ACSBG2: variants seen among roughly 807,000 people sequenced by gnomAD.
ACSBG2 encodes acyl-CoA synthetase bubblegum family member 2.
Under a neutral mutation model 74.7 loss-of-function variants are expected in ACSBG2, and 62 were observed. That is an observed-to-expected ratio of 0.83 (90% CI 0.68 to 1.03). ACSBG2 has a LOEUF of 1.03. Among genes scored for constraint, ACSBG2 ranks in the 50% least tolerant of loss-of-function variants. The probability of loss-of-function intolerance (pLI) is 0.00; values close to 1 mark genes in which losing one functional copy is unlikely to be tolerated. For synonymous variants in ACSBG2, 309 were observed against 294.1 expected (o/e 1.05, Z -0.52); for missense variants, 730 against 817.6 (o/e 0.89, Z 1.31).
chr19:6,151,129 A>AG (rs2089226743), intron 3 of ACSBG2, among the ~76,000 whole-genome samples: 1 of 151,504 alleles, frequency 6.6e-6, no homozygotes, highest in African/African-American at 2.4e-5. Flanking sequence ...AAAAAAAAAA[A>AG]GAAAATGGTA....
At chr19:6,163,792 A>AC (rs1462806788) in intron 6 of ACSBG2, among the ~76,000 whole-genome samples, 6 of 148,706 alleles carry the variant, frequency 4.0e-5, no homozygotes, top group Non-Finnish European at 9.0e-5. Context: ...ACAAAAAAAA[A>AC]AAAAAAAAAC....
chr19:6,186,897 G>T (rs1049510423), intron 11 of ACSBG2, among the ~76,000 whole-genome samples: 5 of 151,668 alleles, frequency 3.3e-5, no homozygotes, highest in Non-Finnish European at 7.4e-5. Context: ...CAATTTCACT[G>T]TGTTGCCCAG....
At chr19:6,148,661 A>G (rs1265694430) in intron 3 of ACSBG2, among the ~76,000 whole-genome samples, 2 of 137,278 alleles carry the variant, frequency 1.5e-5, no homozygotes, top group African/African-American at 5.2e-5. Flanking sequence ...AAAAAAAAAA[A>G]AGAGAACCAT....
chr19:6,144,744 G>A (rs11085159), intron 2 of ACSBG2, among the ~76,000 whole-genome samples: 93,657 of 150,996 alleles, frequency 0.62, 29,588 homozygotes, highest in Admixed American at 0.69. Flanking sequence ...ACCCAGGCTG[G>A]AGTGCAGTGG....
At chr19:6,181,451 T>C (rs2145229134) in intron 8 of ACSBG2, among the ~76,000 whole-genome samples, 1 of 152,292 alleles carries the variant, frequency 6.6e-6, no homozygotes, top group South Asian at 2.1e-4. Flanking sequence ...TCTTTATATA[T>C]TCTGGTTACA....
chr19:6,150,003 G>C (rs1475979429), intron 3 of ACSBG2, among the ~76,000 whole-genome samples: 2 of 151,960 alleles, frequency 1.3e-5, no homozygotes, highest in Non-Finnish European at 1.5e-5. Context: ...GGGAGGGTGA[G>C]GCGGGAGGAT....
chr19:6,173,673 C>T (rs2090021260), intron 7 of ACSBG2, among the ~76,000 whole-genome samples: 1 of 152,150 alleles, frequency 6.6e-6, no homozygotes, highest in African/African-American at 2.4e-5. Flanking sequence ...ATTTTCAGTT[C>T]AAAACTTATC....
intron 7 of ACSBG2, chr19:6,176,000 G>A: frequency 4.9e-6 from 1 of 205,372 alleles, no homozygotes. Context: ...TGGGACACTT[G>A]CTGAATCCAG....
intron 11 of ACSBG2, among the ~76,000 whole-genome samples, chr19:6,185,861 C>G (rs1273083051): frequency 6.6e-6 from 1 of 152,164 alleles, no homozygotes; most frequent in Non-Finnish European, 1.5e-5. Context: ...GTGGTCCACC[C>G]TCAGGAGGAT....
At chr19:6,179,456 T>C (rs554024350) in intron 8 of ACSBG2, among the ~76,000 whole-genome samples, 1 of 152,122 alleles carries the variant, frequency 6.6e-6, no homozygotes, top group Non-Finnish European at 1.5e-5. Flanking sequence ...TGTGCCACCA[T>C]GCCTGACTAA....
At chr19:6,160,344 A>C (rs1485798899) in intron 5 of ACSBG2, among the ~76,000 whole-genome samples, 1 of 149,748 alleles carries the variant, frequency 6.7e-6, no homozygotes, top group Non-Finnish European at 1.5e-5. Context: ...GAGCTGAGAT[A>C]GCGCCACTGC....
At chr19:6,169,629 T>C (rs1645941266) in intron 7 of ACSBG2, among the ~76,000 whole-genome samples, 1 of 152,222 alleles carries the variant, frequency 6.6e-6, no homozygotes, top group African/African-American at 2.4e-5. Flanking sequence ...ATCATATTGG[T>C]AATTTGATAG....
In ACSBG2 at chr19:6,180,229, T is replaced by G. The variant is rs1568249098; in HGVS notation, c.907-2522T>G. Among the ~76,000 whole-genome samples the G allele has an allele frequency of 6.6e-6, 1 of 152,148 alleles. No individual in the cohort carries two copies. Among genetic ancestry groups the G allele is most frequent in the South Asian group, 2.1e-4 (1 of 4,830 alleles). On this transcript the variant is annotated intron_variant, in intron 8 of 14. Coordinates refer to ENST00000588485, the MANE Select transcript of ACSBG2 (RefSeq NM_030924.5). The surrounding 1 kb of genome is among the most constrained non-coding windows in gnomAD (Gnocchi z 4.3). The stretch of plus-strand genomic sequence containing the variant: ...ACAAAGTCCCTTTTGCCATGAAAGA[T>G]TACATATTCACAGGTCCCAGGAGTT...
chr19:6,138,540 AGG>A (rs2088672379), intron 1 of ACSBG2, among the ~76,000 whole-genome samples: 1 of 56,078 alleles, frequency 1.8e-5, no homozygotes, highest in African/African-American at 7.7e-5. Flanking sequence ...AAGGAAGGGG[AGG>A]GAGGGAGGGA....
chr19:6,159,490 C>T (rs2089536405), intron 5 of ACSBG2, among the ~76,000 whole-genome samples: 1 of 152,164 alleles, frequency 6.6e-6, no homozygotes, highest in Admixed American at 6.5e-5. Flanking sequence ...CTAGCAGGTC[C>T]AGCATTAAGT....
intron 11 of ACSBG2, among the ~76,000 whole-genome samples, chr19:6,186,555 G>GA (rs142228931): frequency 0.017 from 2,547 of 152,018 alleles, 43 homozygotes; most frequent in African/African-American, 0.042. Flanking sequence ...TAGGTTTGAG[G>GA]AAAAAAATAA....
At chr19:6,146,839 G>C (rs936702950) in intron 2 of ACSBG2, among the ~76,000 whole-genome samples, 1 of 152,176 alleles carries the variant, frequency 6.6e-6, no homozygotes, top group African/African-American at 2.4e-5. Flanking sequence ...GCTCATGCCT[G>C]TAATCCCAGC....
intron 1 of ACSBG2, among the ~76,000 whole-genome samples, chr19:6,136,149 A>AGGCTTGAGTACAGT: frequency 6.9e-6 from 1 of 145,266 alleles, no homozygotes; most frequent in South Asian, 2.2e-4. Flanking sequence ...TCTGTTGCCC[A>AGGCTTGAGTACAGT]GGCGCAATCT....
At chr19:6,161,377 G>A in intron 6 of ACSBG2, 82 bp downstream of exon 6, 2 of 1,364,486 alleles carry the variant, frequency 1.5e-6, no homozygotes, top group Non-Finnish European at 2.1e-6. Context: ...TGGAAGGTGA[G>A]CAGAGGGAGG....
Sources: gnomAD v4.1 joint callset for allele counts (sites outside exome capture counted in the v4.1 genomes callset) on GRCh38, gnomAD v4.1.1 for gene constraint, Gnocchi (gnomAD v3.1) non-coding constraint, MANE v1.5 for transcripts, NCBI Gene and HGNC (gene_info 2026-07-23, HGNC 2026-07-21) for gene names.